The following GULP1 variants were observed in gnomAD, a reference collection of about 807,000 sequenced individuals.
GULP1 encodes the protein GULP PTB domain containing engulfment adaptor 1.
In GULP1, 19 loss-of-function variants were observed where a neutral mutation model predicts 40.9. That is an observed-to-expected ratio of 0.46 (90% CI 0.32 to 0.68). GULP1 has a LOEUF of 0.68. GULP1 is among the 30% of genes least tolerant of loss of function. The pLI, the probability that GULP1 is intolerant of heterozygous loss-of-function variation, is 0.03. For missense variants in GULP1, 312 were observed against 362.2 expected, an observed-to-expected ratio of 0.86 and a Z score of 1.12; for synonymous variants, 119 against 117.6, an observed-to-expected ratio of 1.01 and a Z score of -0.08.
chr2:188,324,062 A>C (rs1243331804), intron 1 of GULP1, among the ~76,000 whole-genome samples: 2 of 152,100 alleles, frequency 1.3e-5, no homozygotes, highest in Non-Finnish European at 2.9e-5. Flanking sequence ...TGTGCTTAGC[A>C]TAGCAAAATT....
At chr2:188,515,377 T>C (rs1247901183) in intron 4 of GULP1, among the ~76,000 whole-genome samples, 1 of 152,160 alleles carries the variant, frequency 6.6e-6, no homozygotes, top group African/African-American at 2.4e-5. Context: ...TCTCAGCCTT[T>C]CATTGAGACC....
rs920052758 is a variant in GULP1, at chr2:188,397,668, A to G, written c.-45+13779A>G. Among the ~76,000 whole-genome samples, 5 of 152,184 alleles carry G rather than the reference A, an allele frequency of 3.3e-5. No individual in the cohort carries two copies. In the East Asian group the frequency reaches 9.6e-4, roughly 29 times the overall value. On this transcript the variant is annotated intron_variant, in intron 2 of 11. Transcript: ENST00000409830. Reference sequence around the variant, plus strand: ...GTTCCTGTGGACCAGGAATGTGGGCACAGCTTAGCTGGTACCTCTGGCTCT... The same window carrying G: ...GTTCCTGTGGACCAGGAATGTGGGCGCAGCTTAGCTGGTACCTCTGGCTCT...
chr2:188,574,188 T>C (rs576226965), intron 9 of GULP1, among the ~76,000 whole-genome samples: 1 of 152,144 alleles, frequency 6.6e-6, no homozygotes, highest in Non-Finnish European at 1.5e-5. Context: ...AAAGTAGGAA[T>C]GGAATTTTGG....
At chr2:188,484,347 G>A (rs576706689) in intron 4 of GULP1, among the ~76,000 whole-genome samples, 59 of 152,264 alleles carry the variant, frequency 3.9e-4, no homozygotes, top group Non-Finnish European at 6.8e-4. Flanking sequence ...AAAAAAATGA[G>A]TGAATTCAGT....
Position 188,548,165 on chromosome 2 carries a change from T to G in GULP1, c.399+6847T>G, listed in dbSNP as rs115949416. On this transcript the variant is annotated intron_variant, in intron 7 of 11. Transcript: ENST00000409830. ...AAAAAGCATATAATAAATTTGCAGATTGTAAATAAAGAAATAAAACTGTGC... is the reference window on the plus strand; with the variant it reads ...AAAAAGCATATAATAAATTTGCAGAGTGTAAATAAAGAAATAAAACTGTGC... 1.8e-3 allele frequency among the ~76,000 whole-genome samples: 278 copies of G among 152,150 alleles called. 2 individuals carry two copies. The highest frequency in any genetic ancestry group is 3.2e-3 in the Non-Finnish European group (218 of 67,966).
chr2:188,473,092 A>G lies in GULP1; in HGVS notation c.-44-4567A>G, dbSNP rs577900127. On this transcript the variant is annotated intron_variant, in intron 2 of 11. Transcript: ENST00000409830. ...ATCTGAAAGAATTCTCCAGATCACC[A>G]TGCAGAGAGTTGACCTCTTCTCTTC... is the stretch of plus-strand genomic sequence containing the variant. Among the ~76,000 whole-genome samples the G allele has an allele frequency of 1.4e-4, 22 of 152,318 alleles. No homozygotes were observed. In the East Asian group the frequency reaches 3.3e-3, roughly 23 times the overall value.
At chr2:188,371,108 T>A (rs2047545392) in intron 1 of GULP1, among the ~76,000 whole-genome samples, 1 of 152,200 alleles carries the variant, frequency 6.6e-6, no homozygotes, top group African/African-American at 2.4e-5. Context: ...ATGTAAGTAG[T>A]TTGAATACTA....
intron 1 of GULP1, among the ~76,000 whole-genome samples, chr2:188,300,922 T>C (rs1287631495): frequency 2.0e-5 from 3 of 152,320 alleles, no homozygotes; most frequent in Admixed American, 1.3e-4. Context: ...TTCTGGCTTT[T>C]GGCTTCACTT....
At chr2:188,486,953 AG>A (rs1463603845) in intron 4 of GULP1, among the ~76,000 whole-genome samples, 1 of 151,954 alleles carries the variant, frequency 6.6e-6, no homozygotes, top group Non-Finnish European at 1.5e-5. Context: ...GTTCAAGCTG[AG>A]TAGGAGCTAG....
At chr2:188,542,068 C>T (rs1205314810) in intron 7 of GULP1, 2 of 151,492 alleles carry the variant, frequency 1.3e-5, no homozygotes, top group Non-Finnish European at 2.9e-5. Context: ...GATCGCGCCA[C>T]TGAATTCCAG....
In GULP1 at chr2:188,584,289, C is replaced by T; in HGVS notation, c.634C>T (p.Pro212Ser). 1 of 1,607,980 alleles carries T rather than the reference C, an allele frequency of 6.2e-7. No homozygotes were observed. The stretch of plus-strand genomic sequence containing the variant: ...GGCAGGCAGTATGACACCTAAGTCG[C>T]CCTCCACTGACATCTTTGATATGAT... ...PPAGSMTPKS[P>S]STDIFDMIPF... The change falls in exon 10 of 12, where the codon CCC becomes TCC. Residue 212 changes from proline (P) to serine (S), a missense_variant. Coordinates refer to ENST00000409830, the MANE Select transcript of GULP1 (RefSeq NM_016315.4).
intron 1 of GULP1, among the ~76,000 whole-genome samples, chr2:188,342,627 A>G (rs1254082888): frequency 6.6e-6 from 1 of 152,224 alleles, no homozygotes; most frequent in Admixed American, 6.5e-5. Flanking sequence ...GAGAGAATAC[A>G]ATACAAACTT....
intron 1 of GULP1, among the ~76,000 whole-genome samples, chr2:188,313,080 G>A (rs536766630): frequency 5.1e-4 from 77 of 152,008 alleles, no homozygotes; most frequent in African/African-American, 1.0e-3. Flanking sequence ...GCCTGTTCAC[G>A]CTGATGATAG....
rs1036979411 is a variant in GULP1, at chr2:188,323,663, T to A, written c.-172+31497T>A. ...ATATCTGAAGATATGTGTGTGTGTG[T>A]GTGTGTGTGTGTGTGTGTGTGTGTG... On this transcript the variant is annotated intron_variant, in intron 1 of 11. Transcript: ENST00000409830. Among the ~76,000 whole-genome samples, 109 of 105,454 alleles carry A rather than the reference T, an allele frequency of 1.0e-3. 1 individual carries two copies. Among genetic ancestry groups the A allele is most frequent in the South Asian group, 7.4e-4 (3 of 4,054 alleles). The allele number at this position is 105,454 out of a possible 152,430, so 69.2% of individuals were successfully genotyped here. A position where few individuals can be genotyped will look rare whatever the true frequency, so the allele number is the denominator to read the frequency against.
chr2:188,432,398 AT>A lies in GULP1; in HGVS notation c.-44-45251del, dbSNP rs924263170. Among the ~76,000 whole-genome samples, 62 of 148,842 alleles carry A rather than the reference AT, an allele frequency of 4.2e-4. 1 individual carries two copies. The highest frequency in any genetic ancestry group is 9.1e-4 in the African/African-American group (37 of 40,860). On this transcript the variant is annotated intron_variant, in intron 2 of 11. Coordinates refer to ENST00000409830, the MANE Select transcript of GULP1 (RefSeq NM_016315.4). Reference sequence around the variant, plus strand: ...ATTTAAAGTTATTTTTCTGTTAATCATTTTTTTTTTAGTCTGTGACTATCGG... The same window carrying A: ...ATTTAAAGTTATTTTTCTGTTAATCATTTTTTTTTAGTCTGTGACTATCGG...
chr2:188,455,167 A>C lies in GULP1; in HGVS notation c.-44-22492A>C, dbSNP rs532492165. On this transcript the variant is annotated intron_variant, in intron 2 of 11. Coordinates refer to ENST00000409830, the MANE Select transcript of GULP1 (RefSeq NM_016315.4). ...ATAAAATAAAATAAAATGTTCTTAG[A>C]TATAAATATATTCACATGACAGACA... Among the ~76,000 whole-genome samples the C allele has an allele frequency of 1.6e-4, 24 of 152,204 alleles. No homozygotes were observed. In the South Asian group the frequency reaches 5.0e-3, roughly 32 times the overall value.
At chr2:188,377,984 A>G (rs1170379443) in intron 1 of GULP1, among the ~76,000 whole-genome samples, 1 of 152,160 alleles carries the variant, frequency 6.6e-6, no homozygotes, top group East Asian at 1.9e-4. Context: ...TTGATCCGGT[A>G]ATTTCCATTC....
rs567566438 is a variant in GULP1, at chr2:188,459,592, T to C, written c.-44-18067T>C. On this transcript the variant is annotated intron_variant, in intron 2 of 11. Transcript: ENST00000409830. ...TTAATCCCTTGTCAAGTGAGTAGTTTGCAAATTTTTTATCCCATTGATTGT... is the reference window on the plus strand; with the variant it reads ...TTAATCCCTTGTCAAGTGAGTAGTTCGCAAATTTTTTATCCCATTGATTGT... 3.9e-5 allele frequency among the ~76,000 whole-genome samples: 6 copies of C among 152,236 alleles called. No homozygotes were observed. In the East Asian group the frequency reaches 5.8e-4, roughly 15 times the overall value.
At chr2:188,570,639 A>C (rs1165794690) in intron 9 of GULP1, among the ~76,000 whole-genome samples, 1 of 152,154 alleles carries the variant, frequency 6.6e-6, no homozygotes, top group Non-Finnish European at 1.5e-5. Flanking sequence ...TGTAGTTAAA[A>C]TATTTATGTC....
Sources: gnomAD v4.1 joint callset for allele counts (sites outside exome capture counted in the v4.1 genomes callset) on GRCh38, gnomAD v4.1.1 for gene constraint, MANE v1.5 for transcripts, NCBI Gene and HGNC (gene_info 2026-07-23, HGNC 2026-07-21) for gene names.